The following SCG3 variants were observed in gnomAD, a reference collection of about 807,000 sequenced individuals.
SCG3 encodes secretogranin III.
A neutral mutation model predicts 56.2 loss-of-function variants in SCG3; 38 were observed. That is an observed-to-expected ratio of 0.68 (90% CI 0.52 to 0.89). SCG3 has a LOEUF of 0.89. Among genes scored for constraint, SCG3 ranks in the 40% least tolerant of loss-of-function variants. SCG3 has a pLI of 0.00. For missense variants in SCG3, 524 were observed against 540.7 expected (o/e 0.97, Z 0.31); for synonymous variants, 176 against 184.2 (o/e 0.96, Z 0.36).
At chr15:51,714,022 A>T (rs1395628326) in intron 11 of SCG3, among the ~76,000 whole-genome samples, 1 of 152,230 alleles carries the variant, frequency 6.6e-6, no homozygotes, top group African/African-American at 2.4e-5. Context: ...AAGGGCCACA[A>T]GTCTTCTCTG....
intron 4 of SCG3, among the ~76,000 whole-genome samples, chr15:51,687,154 T>A (rs1472888624): frequency 6.6e-6 from 1 of 152,222 alleles, no homozygotes; most frequent in East Asian, 1.9e-4. Context: ...ATAATAACAA[T>A]AATACATTAG....
rs760539659 is a variant in SCG3, at chr15:51,683,232, T to C, written c.195T>C (p.Gly65=). ...CTATTCTTCCAGAAAACAAGCCAGG[T>C]CAGAGCAACTATTCTTTTGTTGATA... ...KKTYPPENKP[G]QSNYSFVDNL... The change falls in exon 4 of 12, where the codon GGT becomes GGC. Residue 65 remains glycine, a synonymous_variant. Coordinates refer to ENST00000220478, the MANE Select transcript of SCG3 (RefSeq NM_013243.4). 6.2e-7 allele frequency: 1 copy of C among 1,613,426 alleles called. No individual in the cohort carries two copies. Among genetic ancestry groups the C allele is most frequent in the East Asian group, 2.2e-5 (1 of 44,830 alleles).
intron 6 of SCG3, among the ~76,000 whole-genome samples, chr15:51,690,547 C>T (rs11632787): frequency 6.6e-6 from 1 of 150,678 alleles, no homozygotes; most frequent in Non-Finnish European, 1.5e-5. Context: ...ACTGGATAGC[C>T]TAAAAACTTT....
chr15:51,688,197 T>G, intron 4 of SCG3, 63 bp from the exon 5 acceptor site: 1 of 1,476,940 alleles, frequency 6.8e-7, no homozygotes, highest in Non-Finnish European at 9.3e-7. Flanking sequence ...ATTATAAGTA[T>G]AATATGATGC....
intron 10 of SCG3, among the ~76,000 whole-genome samples, chr15:51,704,626 T>C (rs950770319): frequency 6.6e-6 from 1 of 151,232 alleles, no homozygotes; most frequent in Non-Finnish European, 1.5e-5. Context: ...TGTTCATCCA[T>C]GTTGTAGCAA....
rs1334959092 is a variant in SCG3, at chr15:51,689,319, A to G, written c.641A>G (p.Lys214Arg). ...EANNYEEDPN[K>R]PTSWTENQAG... is the part of the protein sequence containing the mutation. ...AACAATTATGAGGAGGATCCCAATA[A>G]GCCCACAAGCTGGACTGAGAATCAG... Residue 214 changes from lysine to arginine, a missense_variant, in exon 6 of 12, where the codon AAG becomes AGG. By Grantham distance (26) the Lys-to-Arg change is conservative. Coordinates refer to ENST00000220478, the MANE Select transcript of SCG3 (RefSeq NM_013243.4). 6.2e-7 allele frequency: 1 copy of G among 1,614,042 alleles called. No individual in the cohort carries two copies.
chr15:51,703,368 T>C (rs546199995), intron 10 of SCG3, among the ~76,000 whole-genome samples: 1 of 152,334 alleles, frequency 6.6e-6, no homozygotes, highest in Non-Finnish European at 1.5e-5. Context: ...AACTCAAGAA[T>C]ACCAATAAAA....
Position 51,719,476 on chromosome 15 carries a change from C to G in SCG3, c.1357C>G (p.Leu453Val). 6.2e-7 allele frequency: 1 copy of G among 1,614,060 alleles called. No individual in the cohort carries two copies. Among genetic ancestry groups the G allele is most frequent in the Non-Finnish European group, 8.5e-7 (1 of 1,179,954 alleles). ...TGATGCTTATGTGGAGAAAGGCATC[C>G]TTGACAAGGAAGAAGCCGAGGCCAT... ...QADAYVEKGI[L>V]DKEEAEAIKR... is the part of the protein sequence containing the mutation. The change falls in exon 12 of 12, where the codon CTT becomes GTT. Residue 453 changes from leucine (L) to valine (V), a missense_variant. Leu to Val is a conservative substitution (Grantham distance 32). Coordinates refer to ENST00000220478, the MANE Select transcript of SCG3 (RefSeq NM_013243.4).
At chr15:51,689,772 G>T (rs895992067) in intron 6 of SCG3, among the ~76,000 whole-genome samples, 2 of 151,986 alleles carry the variant, frequency 1.3e-5, no homozygotes, top group Admixed American at 6.6e-5. Flanking sequence ...GGGTGACAGA[G>T]TGAGACCCTG....
intron 10 of SCG3, among the ~76,000 whole-genome samples, chr15:51,703,735 T>C (rs144710733): frequency 6.6e-6 from 1 of 152,330 alleles, no homozygotes; most frequent in Non-Finnish European, 1.5e-5. Context: ...AGATGCTGCT[T>C]CTATTTCAGC....
intron 11 of SCG3, among the ~76,000 whole-genome samples, chr15:51,718,148 C>T (rs1053109758): frequency 6.6e-6 from 1 of 151,644 alleles, no homozygotes; most frequent in African/African-American, 2.4e-5. Context: ...GAATCATGGA[C>T]GAAAACCTAT....
At chr15:51,683,175 T>A in intron 3 of SCG3, 44 bp from the exon 4 acceptor site, 1 of 1,602,934 alleles carries the variant, frequency 6.2e-7, no homozygotes, top group South Asian at 1.1e-5. Flanking sequence ...GCTATGAGAA[T>A]CTGAACTAAA....
chr15:51,696,042 G>T, intron 8 of SCG3, 51 bp downstream of exon 8: 1 of 1,016,128 alleles, frequency 9.8e-7, no homozygotes, highest in Non-Finnish European at 1.6e-6. Flanking sequence ...ATTGTTCAAA[G>T]TAAATTAGGG....
intron 8 of SCG3, among the ~76,000 whole-genome samples, chr15:51,697,460 C>T (rs886808091): frequency 1.3e-5 from 2 of 152,214 alleles, no homozygotes; most frequent in Non-Finnish European, 2.9e-5. Flanking sequence ...TTAAGAGTAA[C>T]TTAAGCAGAA....
intron 6 of SCG3, among the ~76,000 whole-genome samples, chr15:51,689,820 G>A (rs1331060165): frequency 6.6e-6 from 1 of 151,660 alleles, no homozygotes; most frequent in South Asian, 2.1e-4. Context: ...TTAAAAATAT[G>A]TATATACATA....
intron 8 of SCG3, among the ~76,000 whole-genome samples, chr15:51,697,314 T>A (rs942564568): frequency 6.6e-6 from 1 of 152,176 alleles, no homozygotes; most frequent in Non-Finnish European, 1.5e-5. Context: ...AGTCAGAAAT[T>A]CCACACTTAG....
intron 11 of SCG3, among the ~76,000 whole-genome samples, chr15:51,718,402 CACTT>C (rs943915869): frequency 3.9e-5 from 6 of 152,146 alleles, no homozygotes; most frequent in Non-Finnish European, 5.9e-5. Context: ...AAGCCTCACT[CACTT>C]AGTGATTGTA....
At chr15:51,684,629 C>A (rs2055216720) in intron 4 of SCG3, among the ~76,000 whole-genome samples, 1 of 152,194 alleles carries the variant, frequency 6.6e-6, no homozygotes, top group Admixed American at 6.5e-5. Context: ...CTTGCACAGT[C>A]CTGCATGGAC....
rs758710330 is a variant in SCG3 at position 51,692,333 on chromosome 15, T to A, written c.865T>A (p.Ser289Thr). ...CTATGCGCTACTGAAAAGTATTGAT[T>A]CAGGTAACCACTGTGTGGTTGTGAT... ...NFYALLKSID[S>T]EKEAKEKETL... Residue 289 changes from serine to threonine, a missense_variant, in exon 7 of 12, where the codon TCA becomes ACA. Transcript: ENST00000220478. The A allele has an allele frequency of 6.2e-7, 1 of 1,613,008 alleles. No individual in the cohort carries two copies. The highest frequency in any genetic ancestry group is 1.1e-5 in the South Asian group (1 of 90,894).
Sources: gnomAD v4.1 joint callset for allele counts (sites outside exome capture counted in the v4.1 genomes callset) on GRCh38, gnomAD v4.1.1 for gene constraint, MANE v1.5 for transcripts, NCBI Gene and HGNC (gene_info 2026-07-23, HGNC 2026-07-21) for gene names.